DSE: variants seen among roughly 807,000 people sequenced by gnomAD.
DSE encodes dermatan sulfate epimerase, also known as dermatan-sulfate epimerase.
Under a neutral mutation model 84.4 loss-of-function variants are expected in DSE, and 36 were observed. The ratio of observed to expected loss-of-function variants is 0.43; its 90% CI spans 0.33 to 0.56. DSE has a LOEUF of 0.56. Ranked by LOEUF, DSE falls within the 20% of genes least tolerant of loss-of-function variation. DSE has a pLI of 0.06. For missense variants in DSE, 862 were observed against 1,169.6 expected (o/e 0.74, Z 3.84); for synonymous variants, 410 against 430.1 (o/e 0.95, Z 0.58).
At chr6:116,313,134 G>A (rs1402403301) in intron 2 of DSE, among the ~76,000 whole-genome samples, 1 of 152,160 alleles carries the variant, frequency 6.6e-6, no homozygotes, top group African/African-American at 2.4e-5. Context: ...AGAACGCCAT[G>A]TAAAGATTCA....
chr6:116,425,401 T>C (rs910548652), intron 2 of DSE, among the ~76,000 whole-genome samples: 2 of 152,158 alleles, frequency 1.3e-5, no homozygotes, highest in African/African-American at 4.8e-5. Context: ...TTTGATTTGT[T>C]TCCCTCACTT....
At chr6:116,415,362 A>T (rs548373) in intron 2 of DSE, among the ~76,000 whole-genome samples, 151,100 of 152,290 alleles carry the variant, frequency 0.99, 74,964 homozygotes, top group Middle Eastern at 1. Context: ...TCTGAAGCAT[A>T]TAGGATCTTT....
chr6:116,326,988 C>A (rs1776660080), intron 2 of DSE, among the ~76,000 whole-genome samples: 1 of 152,156 alleles, frequency 6.6e-6, no homozygotes, highest in Non-Finnish European at 1.5e-5. Flanking sequence ...ACCCATTAGG[C>A]TGTTGTTGGG....
chr6:116,306,117 A>C (rs1470306077), intron 2 of DSE, among the ~76,000 whole-genome samples: 2 of 152,214 alleles, frequency 1.3e-5, no homozygotes, highest in African/African-American at 4.8e-5. Flanking sequence ...ATATATGCAT[A>C]TATATGTAAA....
chr6:116,334,766 T>C (rs944852669), intron 2 of DSE, among the ~76,000 whole-genome samples: 23 of 151,950 alleles, frequency 1.5e-4, no homozygotes, highest in African/African-American at 5.6e-4. Context: ...TCAAAAGACA[T>C]GAGTGCAGCC....
chr6:116,311,704 G>A (rs1456624377), intron 2 of DSE, among the ~76,000 whole-genome samples: 2 of 152,170 alleles, frequency 1.3e-5, no homozygotes, highest in Non-Finnish European at 1.5e-5. Context: ...TTGCACTTGC[G>A]ATTCCTTGTG....
chr6:116,271,915 A>G (rs1388222705), intron 2 of DSE, among the ~76,000 whole-genome samples: 1 of 152,212 alleles, frequency 6.6e-6, no homozygotes, highest in East Asian at 1.9e-4. Context: ...CACCTGTGTT[A>G]TCACCCAACT....
chr6:116,349,784 T>G (rs1412247866), intron 2 of DSE, among the ~76,000 whole-genome samples: 3 of 152,224 alleles, frequency 2.0e-5, no homozygotes. Flanking sequence ...CAGGCTAGAA[T>G]GCCACAGGTT....
intron 1 of DSE, chr6:116,375,668 C>A: frequency 1.7e-6 from 1 of 600,502 alleles, no homozygotes; most frequent in Non-Finnish European, 2.1e-6. Context: ...AGGTATTGTG[C>A]ATAGGATAGC....
At chr6:116,315,546 ATAG>A (rs1775921940) in intron 2 of DSE, among the ~76,000 whole-genome samples, 1 of 152,112 alleles carries the variant, frequency 6.6e-6, no homozygotes, top group South Asian at 2.1e-4. Context: ...GTTCACCAAG[ATAG>A]TAGTGGGGCA....
intron 2 of DSE, among the ~76,000 whole-genome samples, chr6:116,362,468 A>C (rs919515606): frequency 2.0e-5 from 3 of 152,224 alleles, no homozygotes; most frequent in Non-Finnish European, 2.9e-5. Flanking sequence ...TGAGGTCATA[A>C]GGGTGGTGCC....
At chr6:116,293,417 G>A (rs1774428318) in intron 2 of DSE, among the ~76,000 whole-genome samples, 1 of 151,902 alleles carries the variant, frequency 6.6e-6, no homozygotes, top group South Asian at 2.1e-4. Flanking sequence ...GACTACAGGT[G>A]TGCTCCACCA....
At chr6:116,278,720 G>C (rs1383843069) in intron 2 of DSE, 6 of 1,614,064 alleles carry the variant, frequency 3.7e-6, no homozygotes, top group East Asian at 2.2e-5. Flanking sequence ...ATGAGGTCTT[G>C]GTTTCTGCGA....
intron 2 of DSE, among the ~76,000 whole-genome samples, chr6:116,324,489 A>G (rs989926083): frequency 1.3e-5 from 2 of 152,202 alleles, no homozygotes; most frequent in Non-Finnish European, 1.5e-5. Flanking sequence ...AATTGACTCC[A>G]TGAGTTTTAG....
At chr6:116,258,851 T>C in exon 2 of DSE, 1 of 1,607,996 alleles carries the variant, frequency 6.2e-7, no homozygotes, top group Non-Finnish European at 8.5e-7. Flanking sequence ...ATGCACACAG[T>C]CATGAGCTTC....
chr6:116,284,512 T>TTTA (rs1004346150), intron 2 of DSE, among the ~76,000 whole-genome samples: 84 of 152,124 alleles, frequency 5.5e-4, no homozygotes, highest in Non-Finnish European at 1.0e-3. Context: ...CTTTCTTTTT[T>TTTA]TTATTATTAT....
chr6:116,302,593 C>G (rs535085316), intron 2 of DSE, among the ~76,000 whole-genome samples: 1 of 152,026 alleles, frequency 6.6e-6, no homozygotes, highest in Non-Finnish European at 1.5e-5. Flanking sequence ...TTGTAGGTTG[C>G]CTATTCACTC....
At chr6:116,321,017 T>C (rs1176621026) in intron 2 of DSE, among the ~76,000 whole-genome samples, 1 of 152,136 alleles carries the variant, frequency 6.6e-6, no homozygotes, top group Non-Finnish European at 1.5e-5. Context: ...GGCTTGCTTG[T>C]GCTATGTGAG....
chr6:116,361,498 TATCTC>T (rs1452081151), intron 2 of DSE, among the ~76,000 whole-genome samples: 1 of 151,944 alleles, frequency 6.6e-6, no homozygotes, highest in African/African-American at 2.4e-5. Context: ...TCTTTTAAAA[TATCTC>T]AAGAGAGCTG....
Sources: gnomAD v4.1 joint callset for allele counts (sites outside exome capture counted in the v4.1 genomes callset) on GRCh38, gnomAD v4.1.1 for gene constraint, MANE v1.5 for transcripts, NCBI Gene and HGNC (gene_info 2026-07-23, HGNC 2026-07-21) for gene names.